ZNF841: variants seen among roughly 807,000 people sequenced by gnomAD.
The protein encoded by ZNF841 is zinc finger protein 841.
ZNF841 carries 11 observed loss-of-function variants against 13.0 expected under a neutral mutation model. That is an observed-to-expected ratio of 0.85 (90% CI 0.53 to 1.40). The LOEUF is 1.40. ZNF841 is among the 40% of genes most tolerant of loss of function. The pLI is 0.00. For missense variants in ZNF841, 1,068 were observed against 1,139.5 expected, an observed-to-expected ratio of 0.94 and a Z score of 0.90; for synonymous variants, 369 against 381.6, an observed-to-expected ratio of 0.97 and a Z score of 0.38.
intron 6 of ZNF841, among the ~76,000 whole-genome samples, chr19:52,069,448 C>T (rs1367682861): frequency 6.6e-6 from 1 of 152,108 alleles, no homozygotes; most frequent in Non-Finnish European, 1.5e-5. Context: ...TTGGAAAATG[C>T]ATGAACTGAG....
chr19:52,076,840 T>G, intron 5 of ZNF841, 118 bp downstream of exon 5: 1 of 1,259,548 alleles, frequency 7.9e-7, no homozygotes, highest in South Asian at 1.3e-5. Flanking sequence ...TTTTTATTTG[T>G]GAATCAACAA....
intron 5 of ZNF841, 32 bp downstream of exon 5, chr19:52,076,926 G>A (rs770634094): frequency 6.2e-7 from 1 of 1,607,658 alleles, no homozygotes; most frequent in South Asian, 1.1e-5. Context: ...CACAAGGGAA[G>A]ATCCTAACTT....
At chr19:52,061,433 G>A (rs1285425431), downstream of ZNF841, among the ~76,000 whole-genome samples, 2 of 152,068 alleles carry the variant, frequency 1.3e-5, no homozygotes, top group Admixed American at 1.3e-4. Context: ...ATATGCACAG[G>A]ATTTTATGAC....
Position 52,065,625 on chromosome 19 carries a change from C to A in ZNF841, c.2257G>T (p.Ala753Ser). The change falls in exon 7 of 7, where the codon GCA becomes TCA. Residue 753 changes from alanine to serine, a missense_variant. Physicochemically the swap from Ala to Ser is moderately conservative, Grantham distance 99. Transcript: ENST00000594440. ...CCAGTATGAATTCTCCGATGCCTTGCCAGGGTTGTAGTGGAGTTAAAGACT... is the reference window on the plus strand; with the variant it reads ...CCAGTATGAATTCTCCGATGCCTTGACAGGGTTGTAGTGGAGTTAAAGACT... ...GKVFNSTTTL[A>S]RHRRIHTGEK... 1 of 1,610,822 alleles carries A rather than the reference C, an allele frequency of 6.2e-7. No homozygotes were observed. The highest frequency in any genetic ancestry group is 8.5e-7 in the Non-Finnish European group (1 of 1,178,386).
At chr19:52,078,340 A>G (rs994047484) in intron 4 of ZNF841, among the ~76,000 whole-genome samples, 4 of 152,030 alleles carry the variant, frequency 2.6e-5, no homozygotes, top group Admixed American at 6.6e-5. Context: ...CACACATAAT[A>G]CATTACTATT....
At chr19:52,077,969 A>G (rs978819496) in intron 4 of ZNF841, among the ~76,000 whole-genome samples, 1 of 152,170 alleles carries the variant, frequency 6.6e-6, no homozygotes, top group African/African-American at 2.4e-5. Context: ...ACTTGAAGCA[A>G]GTTCAAGATT....
chr19:52,092,509 T>C (rs2088531081), intron 2 of ZNF841, among the ~76,000 whole-genome samples: 1 of 152,174 alleles, frequency 6.6e-6, no homozygotes, highest in African/African-American at 2.4e-5. Flanking sequence ...TAGCATGATA[T>C]GGAGAAAAAT....
At chr19:52,092,411 T>A (rs1020795470) in intron 2 of ZNF841, among the ~76,000 whole-genome samples, 4 of 152,132 alleles carry the variant, frequency 2.6e-5, no homozygotes, top group African/African-American at 9.7e-5. Context: ...TCACTAATCA[T>A]CAGAGGAATG....
intron 4 of ZNF841, among the ~76,000 whole-genome samples, chr19:52,083,627 T>G (rs974303104): frequency 1.3e-5 from 2 of 152,132 alleles, no homozygotes; most frequent in African/African-American, 4.8e-5. Context: ...GTTCTGTAGT[T>G]AAAAGTTTTT....
At chr19:52,062,559 C>T (rs1025803857), downstream of ZNF841, among the ~76,000 whole-genome samples, 2 of 152,098 alleles carry the variant, frequency 1.3e-5, no homozygotes, top group African/African-American at 2.4e-5. Flanking sequence ...GGCCCTCTCA[C>T]CTTACTGATT....
At position 52,065,377 on chromosome 19, in the gene ZNF841, G is replaced by C; in HGVS notation, c.2505C>G (p.Asn835Lys). 1 of 1,608,062 alleles carries C rather than the reference G, an allele frequency of 6.2e-7. No individual in the cohort carries two copies. The highest frequency in any genetic ancestry group is 8.5e-7 in the Non-Finnish European group (1 of 1,176,762). ...TATGGTTTCTCTGATGGTAAACCAAGTTTGACCTTTCGATAAAAGCTTTAC... is the reference window on the plus strand; with the variant it reads ...TATGGTTTCTCTGATGGTAAACCAACTTTGACCTTTCGATAAAAGCTTTAC... ...ECGKAFIERS[N>K]LVYHQRNHTG... The change falls in exon 7 of 7, where the codon AAC becomes AAG. Residue 835 changes from asparagine to lysine, a missense_variant. By Grantham distance (94) the Asn-to-Lys change is moderately conservative. Coordinates refer to ENST00000594440, the MANE Select transcript of ZNF841 (RefSeq NM_001136499.2).
In ZNF841 at chr19:52,066,123, G is replaced by T. The variant is rs1282389895; in HGVS notation, c.1759C>A (p.His587Asn). The change falls in exon 7 of 7, where the codon CAT becomes AAT. Residue 587 changes from histidine (H) to asparagine (N), a missense_variant. By Grantham distance (68) the His-to-Asn change is moderately conservative. Coordinates refer to ENST00000594440, the MANE Select transcript of ZNF841 (RefSeq NM_001136499.2). ...VFTYYSCLARHQRMHTGEKPY... is the reference protein window; with the variant it reads ...VFTYYSCLARNQRMHTGEKPY... ...TTCTCTCCGGTATGCATTCTTTGAT[G>T]ACGTGCTAGGCATGAATAGTAAGTG... 1 of 1,614,060 alleles carries T rather than the reference G, an allele frequency of 6.2e-7. No homozygotes were observed.
At chr19:52,082,768 T>C (rs1412619177) in intron 4 of ZNF841, among the ~76,000 whole-genome samples, 2 of 152,308 alleles carry the variant, frequency 1.3e-5, no homozygotes, top group Middle Eastern at 3.4e-3. Flanking sequence ...ACGCTATTAG[T>C]GTTTATTAAC....
the ZNF841 span, among the ~76,000 whole-genome samples, chr19:52,059,371 A>AAAAAATATATATATATATG: frequency 1.5e-5 from 1 of 68,180 alleles, no homozygotes; most frequent in East Asian, 3.8e-4. Flanking sequence ...AAAAAAAAAA[A>AAAAAATATATATATATATG]TATATATATA....
chr19:52,091,558 C>T (rs912504395), intron 2 of ZNF841, among the ~76,000 whole-genome samples: 2 of 152,156 alleles, frequency 1.3e-5, no homozygotes, highest in Admixed American at 6.5e-5. Flanking sequence ...TAGCCTTTGA[C>T]AAGGGCACCA....
chr19:52,086,152 T>C (rs549624849), intron 3 of ZNF841, among the ~76,000 whole-genome samples: 3 of 152,074 alleles, frequency 2.0e-5, no homozygotes, highest in Non-Finnish European at 2.9e-5. Context: ...GCAGGGGACA[T>C]GGAGACGTGT....
chr19:52,059,390 T>TATATATACACACAC, the ZNF841 span, among the ~76,000 whole-genome samples: 1 of 96,360 alleles, frequency 1.0e-5, no homozygotes, highest in African/African-American at 4.2e-5. Flanking sequence ...TATATATATA[T>TATATATACACACAC]ACACACACAC....
chr19:52,073,027 A>G (rs186595406), intron 6 of ZNF841, among the ~76,000 whole-genome samples: 1 of 152,346 alleles, frequency 6.6e-6, no homozygotes, highest in African/African-American at 2.4e-5. Flanking sequence ...CCAATGGAAC[A>G]GAATAGGAAA....
At chr19:52,060,234 CAT>C (rs143475620), downstream of ZNF841, among the ~76,000 whole-genome samples, 2,260 of 152,320 alleles carry the variant, frequency 0.015, 35 homozygotes, top group Non-Finnish European at 0.024. Context: ...CTACTGGTAA[CAT>C]ATTCTGGTGA....
Sources: allele counts gnomAD v4.1 joint callset (sites outside exome capture counted in the v4.1 genomes callset), GRCh38; gene constraint gnomAD v4.1.1; transcripts MANE v1.5; gene names NCBI Gene and HGNC (gene_info 2026-07-23, HGNC 2026-07-21).